RAPGEF1: variants seen among roughly 807,000 people sequenced by gnomAD.
RAPGEF1 encodes Rap guanine nucleotide exchange factor 1, also known as CRK SH3-binding GNRP.
A neutral mutation model predicts 143.3 loss-of-function variants in RAPGEF1; 33 were observed. That is an observed-to-expected ratio of 0.23 (90% confidence interval 0.17 to 0.31). The LOEUF (loss-of-function observed/expected upper bound fraction) is 0.31, where lower values mean the gene tolerates loss of function less well. Ranked by LOEUF, RAPGEF1 falls within the 10% of genes least tolerant of loss-of-function variation. The pLI, the probability that RAPGEF1 is intolerant of heterozygous loss-of-function variation, is 1.00. For synonymous variants in RAPGEF1, 629 were observed against 676.5 expected, an observed-to-expected ratio of 0.93 and a Z score of 1.09; for missense variants, 1,199 against 1,645.4, an observed-to-expected ratio of 0.73 and a Z score of 4.69.
At chr9:131,647,431 G>A (rs1358024332) in intron 3 of RAPGEF1, among the ~76,000 whole-genome samples, 2 of 152,168 alleles carry the variant, frequency 1.3e-5, no homozygotes, top group Non-Finnish European at 1.5e-5. Context: ...AAGTGGCAGC[G>A]AATCTGAATC....
intron 1 of RAPGEF1, among the ~76,000 whole-genome samples, chr9:131,693,449 GGAGA>G (rs964798923): frequency 5.9e-5 from 9 of 152,004 alleles, no homozygotes; most frequent in African/African-American, 1.7e-4. Context: ...AGAGAAATCA[GGAGA>G]GAGAGAGAAT....
chr9:131,615,869 T>C (rs1296464979), intron 12 of RAPGEF1, among the ~76,000 whole-genome samples: 1 of 152,214 alleles, frequency 6.6e-6, no homozygotes, highest in African/African-American at 2.4e-5. Flanking sequence ...ACAAGGTTTC[T>C]ATGCCTACAA....
intron 10 of RAPGEF1, among the ~76,000 whole-genome samples, chr9:131,625,478 G>A (rs191799790): frequency 2.3e-3 from 347 of 152,288 alleles, no homozygotes; most frequent in Non-Finnish European, 3.8e-3. Flanking sequence ...CATGAACAGA[G>A]ACAGTGTGCT....
intron 13 of RAPGEF1, among the ~76,000 whole-genome samples, chr9:131,604,579 C>T (rs1430261203): frequency 6.6e-6 from 1 of 152,262 alleles, no homozygotes; most frequent in East Asian, 1.9e-4. Context: ...TCCCTAAAAA[C>T]AGACAAGTAA....
intron 1 of RAPGEF1, among the ~76,000 whole-genome samples, chr9:131,689,553 T>C (rs956722108): frequency 2.0e-5 from 3 of 149,618 alleles, no homozygotes; most frequent in South Asian, 2.1e-4. Flanking sequence ...TTTTTTTTTT[T>C]CCAGAGACGG....
At chr9:131,715,055 C>T (rs1835766719) in intron 1 of RAPGEF1, among the ~76,000 whole-genome samples, 1 of 151,982 alleles carries the variant, frequency 6.6e-6, no homozygotes, top group Admixed American at 6.6e-5. Flanking sequence ...TGGAGGAAAT[C>T]ATCGAAGGCA....
chr9:131,598,317 G>A lies in RAPGEF1; in HGVS notation c.2502-7C>T. On this transcript the variant is annotated splice_region_variant and splice_polypyrimidine_tract_variant and intron_variant, in intron 15 of 26. Coordinates refer to ENST00000683357, the MANE Select transcript of RAPGEF1 (RefSeq NM_001377935.1). ...ATCTGGTGACTTTGGGGCCCTGCGGGGAGAAGTGGTTTGTGTTGCAAGTGT... is the reference window on the plus strand; with the variant it reads ...ATCTGGTGACTTTGGGGCCCTGCGGAGAGAAGTGGTTTGTGTTGCAAGTGT... The A allele has an allele frequency of 6.2e-7, 1 of 1,612,250 alleles. No homozygotes were observed. The highest frequency in any genetic ancestry group is 8.5e-7 in the Non-Finnish European group (1 of 1,178,854).
rs562553900 is a variant in RAPGEF1 at position 131,605,152 on chromosome 9, C to T, written c.2098G>A (p.Val700Met). The change falls in exon 13 of 27, where the codon GTG (valine) becomes ATG (methionine). Residue 700 changes from valine (V) to methionine (M), a missense_variant. Around this residue, in one of 6 missense-constraint regions of RAPGEF1, gnomAD observed 293 missense variants for 356.2 expected, o/e 0.82. Coordinates refer to ENST00000683357, the MANE Select transcript of RAPGEF1 (RefSeq NM_001377935.1). The stretch of plus-strand genomic sequence containing the variant: ...GGAACGGAAGCTTGGTGGTGAGGCA[C>T]GAAATCCTGGGAGTAGGACCTAAAC... Reference protein sequence around the residue: ...SVFRSYSQDFVPHHQASVPPF... With the variant: ...SVFRSYSQDFMPHHQASVPPF... 1.4e-5 allele frequency: 19 copies of T among 1,360,748 alleles called. No individual in the cohort carries two copies. Among genetic ancestry groups the T allele is most frequent in the Admixed American group, 3.9e-5 (2 of 51,784 alleles). The allele number at this position is 1,360,748 out of a possible 1,614,324, so 84.3% of individuals were successfully genotyped here.
intron 3 of RAPGEF1, among the ~76,000 whole-genome samples, chr9:131,644,747 T>A (rs915997669): frequency 6.6e-6 from 1 of 152,124 alleles, no homozygotes; most frequent in Non-Finnish European, 1.5e-5. Context: ...GGCAGATCAC[T>A]TCAGCCCAGG....
At chr9:131,654,118 T>C (rs1053125795) in intron 1 of RAPGEF1, among the ~76,000 whole-genome samples, 2 of 152,182 alleles carry the variant, frequency 1.3e-5, no homozygotes, top group Non-Finnish European at 2.9e-5. Context: ...TGCCTAAGAC[T>C]GGACGGGGCA....
chr9:131,726,024 G>T (rs1467137786), intron 1 of RAPGEF1, among the ~76,000 whole-genome samples: 1 of 152,000 alleles, frequency 6.6e-6, no homozygotes, highest in African/African-American at 2.4e-5. Flanking sequence ...CTCCCAAAGT[G>T]CTGGGATTAC....
intron 6 of RAPGEF1, among the ~76,000 whole-genome samples, chr9:131,629,792 CA>C (rs1207993452): frequency 6.1e-5 from 9 of 146,360 alleles, no homozygotes; most frequent in African/African-American, 5.0e-5. Flanking sequence ...GTCTCAAAAA[CA>C]AAAAAAAAAG....
chr9:131,587,733 T>C lies in RAPGEF1; in HGVS notation c.3233+3A>G. On this transcript the variant is annotated splice_donor_region_variant and intron_variant, in intron 22 of 26. Transcript: ENST00000683357. ...ACAGGGCTTGGCGCTGGGCCTCTCT[T>C]ACCAGTAGGACATGTTGTTGAAGTG... 8 of 1,612,770 alleles carry C rather than the reference T, an allele frequency of 5.0e-6. No individual in the cohort carries two copies. The highest frequency in any genetic ancestry group is 6.8e-6 in the Non-Finnish European group (8 of 1,179,454).
At chr9:131,589,091 G>T in intron 19 of RAPGEF1, 105 bp from the exon 20 acceptor site, 1 of 1,108,430 alleles carries the variant, frequency 9.0e-7, no homozygotes, top group Non-Finnish European at 1.3e-6. Context: ...GACCGGCACA[G>T]AGCTGGCTGG....
intron 15 of RAPGEF1, 95 bp from the exon 16 acceptor site, chr9:131,598,405 C>T (rs895814745): frequency 7.9e-6 from 8 of 1,009,522 alleles, no homozygotes; most frequent in Admixed American, 5.9e-5. Flanking sequence ...GGCTCGAAAC[C>T]GCTCCCGGAA....
At chr9:131,699,569 CCA>C in intron 1 of RAPGEF1, among the ~76,000 whole-genome samples, 1 of 152,188 alleles carries the variant, frequency 6.6e-6, no homozygotes, top group East Asian at 1.9e-4. Context: ...GTCAAGGTCT[CCA>C]GTGACCACTA....
intron 1 of RAPGEF1, among the ~76,000 whole-genome samples, chr9:131,713,319 A>T (rs1406261600): frequency 6.6e-6 from 1 of 152,230 alleles, no homozygotes; most frequent in Admixed American, 6.5e-5. Flanking sequence ...CCACAAGATC[A>T]TCTGCTCCAG....
chr9:131,697,900 A>C (rs1834311103), intron 1 of RAPGEF1, among the ~76,000 whole-genome samples: 1 of 152,190 alleles, frequency 6.6e-6, no homozygotes, highest in African/African-American at 2.4e-5. Context: ...TACCTGTGTC[A>C]GGGCCAGAAA....
At chr9:131,693,195 T>C (rs1269458692) in intron 1 of RAPGEF1, among the ~76,000 whole-genome samples, 1 of 152,220 alleles carries the variant, frequency 6.6e-6, no homozygotes, top group Non-Finnish European at 1.5e-5. Context: ...CACCCATGAA[T>C]GACGTGTTAA....
Sources: gnomAD v4.1 joint callset for allele counts (sites outside exome capture counted in the v4.1 genomes callset) on GRCh38, gnomAD v4.1.1 for gene constraint, gnomAD v4.1.1 regional missense constraint, MANE v1.5 for transcripts, NCBI Gene and HGNC (gene_info 2026-07-23, HGNC 2026-07-21) for gene names.